Variants in ME3 observed in about 807,000 individuals in gnomAD.
The protein encoded by ME3 is malic enzyme 3.
A neutral mutation model predicts 68.9 loss-of-function variants in ME3; 48 were observed. The observed-to-expected ratio is 0.70, with a 90% CI of 0.55 to 0.89. ME3 has a LOEUF of 0.89. Ranked by LOEUF, ME3 falls within the 40% of genes least tolerant of loss-of-function variation. The pLI is 0.00. For missense variants in ME3, 675 were observed against 797.4 expected (o/e 0.85, Z 1.85); for synonymous variants, 320 against 318.8 (o/e 1.00, Z -0.04).
intron 2 of ME3, among the ~76,000 whole-genome samples, chr11:86,617,058 T>C (rs1040566926): frequency 7.3e-6 from 1 of 137,106 alleles, no homozygotes; most frequent in East Asian, 2.1e-4. Flanking sequence ...TTTTTTTTTT[T>C]TTTTTTTTTT....
chr11:86,490,667 A>G (rs1951947410), intron 6 of ME3, among the ~76,000 whole-genome samples: 1 of 152,232 alleles, frequency 6.6e-6, no homozygotes, highest in Non-Finnish European at 1.5e-5. Flanking sequence ...AAGCACATAC[A>G]TACAGAGCTT....
At chr11:86,573,498 T>TTTTC (rs1163681879) in intron 2 of ME3, among the ~76,000 whole-genome samples, 1 of 150,522 alleles carries the variant, frequency 6.6e-6, no homozygotes, top group African/African-American at 2.5e-5. Context: ...GAGACTTTGC[T>TTTTC]GAAGTTGCTT....
chr11:86,436,796 C>A (rs1273108926), downstream of ME3: 1 of 152,162 alleles, frequency 6.6e-6, no homozygotes, highest in South Asian at 2.1e-4. Context: ...TCTCTTTCCC[C>A]CAATGAATTA....
Position 86,601,313 on chromosome 11 carries a change from T to A in ME3, c.184-41490A>T, listed in dbSNP as rs1005961134. 4.6e-5 allele frequency among the ~76,000 whole-genome samples: 7 copies of A among 152,304 alleles called. No homozygotes were observed. The South Asian group carries it at 8.3e-4, about 18-fold the overall frequency. ...AGAAATACAAACTACCATCAGAGGA[T>A]ACTACAAACACCTCTACGCAAATAA... On this transcript the variant is annotated intron_variant, in intron 2 of 14. Transcript: ENST00000543262.
At chr11:86,564,269 C>T (rs967785793) in intron 2 of ME3, among the ~76,000 whole-genome samples, 1 of 151,864 alleles carries the variant, frequency 6.6e-6, no homozygotes, top group Non-Finnish European at 1.5e-5. Flanking sequence ...AGGTTTGTTT[C>T]TTTCATTATT....
intron 4 of ME3, 86 bp from the exon 5 acceptor site, chr11:86,508,953 T>A: frequency 9.1e-7 from 1 of 1,097,510 alleles, no homozygotes; most frequent in Non-Finnish European, 1.4e-6. Flanking sequence ...GGTATTGCAT[T>A]AATTAAATTT....
intron 2 of ME3, among the ~76,000 whole-genome samples, chr11:86,619,404 T>G (rs1943202037): frequency 6.6e-6 from 1 of 152,248 alleles, no homozygotes; most frequent in Non-Finnish European, 1.5e-5. Flanking sequence ...TTCTTCTGGC[T>G]GCCAAATTTG....
chr11:86,470,348 G>A (rs1045111805), intron 7 of ME3, among the ~76,000 whole-genome samples: 1 of 152,066 alleles, frequency 6.6e-6, no homozygotes, highest in Non-Finnish European at 1.5e-5. Flanking sequence ...AGCGTTCAGT[G>A]AGATTATCAG....
chr11:86,462,568 G>A (rs1289608437), intron 8 of ME3: 3 of 1,281,148 alleles, frequency 2.3e-6, no homozygotes, highest in African/African-American at 3.0e-5. Context: ...ATACTCACAT[G>A]AACAGGTGGG....
intron 8 of ME3, among the ~76,000 whole-genome samples, chr11:86,453,897 C>T (rs1406685838): frequency 1.3e-5 from 2 of 152,178 alleles, no homozygotes; most frequent in Non-Finnish European, 2.9e-5. Flanking sequence ...TCCTTTGTTC[C>T]CTTAGCCTCA....
intron 2 of ME3, among the ~76,000 whole-genome samples, chr11:86,561,999 C>G (rs564667929): frequency 1.3e-5 from 2 of 152,200 alleles, no homozygotes; most frequent in Non-Finnish European, 2.9e-5. Flanking sequence ...AAATGCATGT[C>G]ATGCATCTAC....
intron 5 of ME3, among the ~76,000 whole-genome samples, chr11:86,504,380 CTTTTTTTTTT>C (rs35899335): frequency 1.3e-5 from 1 of 77,406 alleles, no homozygotes; most frequent in South Asian, 4.9e-4. Context: ...CCTATACATT[CTTTTTTTTTT>C]TTTTTTTTTT....
At chr11:86,641,302 C>T (rs1236765854) in intron 2 of ME3, among the ~76,000 whole-genome samples, 1 of 152,022 alleles carries the variant, frequency 6.6e-6, no homozygotes. Context: ...AGGAAAGTAC[C>T]ACAGAAAAGG....
At position 86,637,699 on chromosome 11, in the gene ME3, A is replaced by T. The variant is rs77708333; in HGVS notation, c.183+34063T>A. Among the ~76,000 whole-genome samples the T allele has an allele frequency of 3.7e-3, 557 of 152,274 alleles. 2 individuals carry two copies. The highest frequency in any genetic ancestry group is 0.013 in the African/African-American group (527 of 41,544). On this transcript the variant is annotated intron_variant, in intron 2 of 14. Transcript: ENST00000543262. ...CTTTGTGCTGTAGGTGGGAGGAAGC[A>T]CAGGAAACTTTTTAAGAAGGGGAGT... is the stretch of plus-strand genomic sequence containing the variant.
intron 2 of ME3, among the ~76,000 whole-genome samples, chr11:86,667,425 T>C (rs1429142380): frequency 6.6e-6 from 1 of 152,162 alleles, no homozygotes; most frequent in Non-Finnish European, 1.5e-5. Flanking sequence ...TTCCTTCAAA[T>C]GGGCCATATG....
chr11:86,638,609 A>G (rs1565251675), intron 2 of ME3, among the ~76,000 whole-genome samples: 1 of 152,242 alleles, frequency 6.6e-6, no homozygotes, highest in Non-Finnish European at 1.5e-5. Context: ...CATTGCTAGT[A>G]AAGGGTAAGG....
intron 4 of ME3, among the ~76,000 whole-genome samples, chr11:86,517,552 C>T (rs1953975343): frequency 6.6e-6 from 1 of 152,092 alleles, no homozygotes; most frequent in Admixed American, 6.5e-5. Context: ...CATGTTGGAG[C>T]TCTGATTAAA....
chr11:86,625,190 C>A (rs1254829807), intron 2 of ME3, among the ~76,000 whole-genome samples: 1 of 152,028 alleles, frequency 6.6e-6, no homozygotes, highest in Non-Finnish European at 1.5e-5. Flanking sequence ...AAACTCCTCA[C>A]CAGACAGTAA....
intron 2 of ME3, among the ~76,000 whole-genome samples, chr11:86,631,535 TAAA>T (rs200183186): frequency 6.7e-6 from 1 of 150,218 alleles, no homozygotes. Context: ...TTGGTGAACT[TAAA>T]AAAAAAATTC....
Sources: allele counts gnomAD v4.1 joint callset (sites outside exome capture counted in the v4.1 genomes callset), GRCh38; gene constraint gnomAD v4.1.1; transcripts MANE v1.5; gene names NCBI Gene and HGNC (gene_info 2026-07-23, HGNC 2026-07-21).